Variants in KIF26B observed in about 807,000 individuals in gnomAD.
KIF26B encodes the protein kinesin-like protein KIF26B.
In KIF26B, 63 loss-of-function variants were observed where a neutral mutation model predicts 151.2. That is an observed-to-expected ratio of 0.42 (90% confidence interval 0.34 to 0.51). The LOEUF (loss-of-function observed/expected upper bound fraction) is 0.51. KIF26B is among the 20% of genes least tolerant of loss of function. The pLI, the probability that KIF26B is intolerant of heterozygous loss-of-function variation, is 0.07. For synonymous variants in KIF26B, 1,357 were observed against 1,262.1 expected (o/e 1.08, Z -1.59); for missense variants, 2,813 against 2,913.6 (o/e 0.97, Z 0.79).
chr1:245,187,010 C>G (rs1426797070), intron 2 of KIF26B, among the ~76,000 whole-genome samples: 7 of 152,044 alleles, frequency 4.6e-5, no homozygotes, highest in Non-Finnish European at 8.8e-5. Context: ...GCGCGCACCA[C>G]CACGCTCAGC....
intron 2 of KIF26B, among the ~76,000 whole-genome samples, chr1:245,160,189 C>T (rs2103516965): frequency 6.6e-6 from 1 of 152,308 alleles, no homozygotes. Flanking sequence ...TGCTTGGTGG[C>T]AGATTGTAAA....
chr1:245,164,985 C>T (rs1042913170), intron 2 of KIF26B, among the ~76,000 whole-genome samples: 2 of 151,958 alleles, frequency 1.3e-5, no homozygotes, highest in African/African-American at 4.8e-5. Flanking sequence ...GCAGGAGAAT[C>T]GCTTGAGCCC....
At chr1:245,435,908 T>C (rs974522951) in intron 4 of KIF26B, among the ~76,000 whole-genome samples, 1 of 152,170 alleles carries the variant, frequency 6.6e-6, no homozygotes, top group African/African-American at 2.4e-5. Context: ...CCGGACCCAG[T>C]GGCTCACGCC....
intron 2 of KIF26B, among the ~76,000 whole-genome samples, chr1:245,294,012 G>C (rs984101451): frequency 6.6e-6 from 1 of 152,232 alleles, no homozygotes; most frequent in Non-Finnish European, 1.5e-5. Flanking sequence ...TCCATGGGCA[G>C]AATCCGGGTG....
At chr1:245,573,678 G>A (rs1339539869) in intron 5 of KIF26B, among the ~76,000 whole-genome samples, 1 of 150,676 alleles carries the variant, frequency 6.6e-6, no homozygotes, top group Admixed American at 6.6e-5. Context: ...TTGCAAACTG[G>A]CCAAGGAAAA....
At chr1:245,250,747 T>C (rs1172316857) in intron 2 of KIF26B, among the ~76,000 whole-genome samples, 2 of 152,244 alleles carry the variant, frequency 1.3e-5, no homozygotes, top group African/African-American at 4.8e-5. Context: ...TTCATTTTCT[T>C]TGCCCGTGTT....
chr1:245,575,509 T>A (rs2043110189), intron 5 of KIF26B, among the ~76,000 whole-genome samples: 1 of 151,962 alleles, frequency 6.6e-6, no homozygotes. Flanking sequence ...AACAATCATC[T>A]ATTCATGGCT....
chr1:245,532,364 G>A (rs948297990), intron 4 of KIF26B, among the ~76,000 whole-genome samples: 1 of 150,482 alleles, frequency 6.6e-6, no homozygotes, highest in Non-Finnish European at 1.5e-5. Context: ...TCCTGCCTCA[G>A]CCTCCCGAGT....
At chr1:245,377,430 G>C (rs1046545091) in intron 3 of KIF26B, among the ~76,000 whole-genome samples, 2 of 152,116 alleles carry the variant, frequency 1.3e-5, no homozygotes, top group Non-Finnish European at 2.9e-5. Context: ...AAGGACAAAA[G>C]CCATTGGGTT....
At chr1:245,316,987 T>C (rs1671792419) in intron 2 of KIF26B, among the ~76,000 whole-genome samples, 1 of 152,166 alleles carries the variant, frequency 6.6e-6, no homozygotes. Context: ...GGAGTGCATA[T>C]TGGATCTGTT....
intron 8 of KIF26B, 141 bp from the exon 9 acceptor site, chr1:245,611,652 A>C (rs760109795): frequency 4.3e-6 from 3 of 695,200 alleles, no homozygotes; most frequent in Non-Finnish European, 7.1e-6. Flanking sequence ...CTTGTTTCAG[A>C]AGGGTTTTCA....
At chr1:245,542,598 AGT>A (rs1210314636) in intron 5 of KIF26B, among the ~76,000 whole-genome samples, 1 of 152,224 alleles carries the variant, frequency 6.6e-6, no homozygotes, top group Non-Finnish European at 1.5e-5. Context: ...GAGAGGACTC[AGT>A]GGGTGGGAGC....
rs1029717066 is a variant in KIF26B at position 245,516,796 on chromosome 1, A to G, written c.1167-23971A>G. ...ACGCTCCTTGACGGCCAAAACTGTCATTTGCACATTCTCTTCAGCTGAACA... is the reference window on the plus strand; with the variant it reads ...ACGCTCCTTGACGGCCAAAACTGTCGTTTGCACATTCTCTTCAGCTGAACA... On this transcript the variant is annotated intron_variant, in intron 4 of 14. Transcript: ENST00000407071. The surrounding 1 kb of genome is among the most constrained non-coding windows in gnomAD (Gnocchi z 4.2). Among the ~76,000 whole-genome samples, 2 of 150,448 alleles carry G rather than the reference A, an allele frequency of 1.3e-5. No individual in the cohort carries two copies. The highest frequency in any genetic ancestry group is 2.1e-4 in the South Asian group (1 of 4,698).
At chr1:245,248,727 G>A (rs1334519571) in intron 2 of KIF26B, among the ~76,000 whole-genome samples, 2 of 152,306 alleles carry the variant, frequency 1.3e-5, no homozygotes, top group African/African-American at 4.8e-5. Flanking sequence ...AACTGAACTT[G>A]ATTTGTGAGT....
intron 2 of KIF26B, among the ~76,000 whole-genome samples, chr1:245,184,772 A>G (rs1275011996): frequency 1.3e-5 from 2 of 152,218 alleles, no homozygotes; most frequent in Non-Finnish European, 2.9e-5. Context: ...CCCAAACCTT[A>G]TATCTCTGAG....
At chr1:245,177,870 A>C (rs994758990) in intron 2 of KIF26B, among the ~76,000 whole-genome samples, 10 of 152,150 alleles carry the variant, frequency 6.6e-5, no homozygotes, top group Non-Finnish European at 1.0e-4. Flanking sequence ...TTTAGCCGAG[A>C]AAATGAAAGA....
chr1:245,552,021 A>G (rs1451801053), intron 5 of KIF26B, among the ~76,000 whole-genome samples: 1 of 150,018 alleles, frequency 6.7e-6, no homozygotes, highest in Non-Finnish European at 1.5e-5. Context: ...TCCCCTTTGA[A>G]TCCAGAGCAC....
At chr1:245,537,503 A>G (rs1400552791) in intron 4 of KIF26B, among the ~76,000 whole-genome samples, 2 of 152,226 alleles carry the variant, frequency 1.3e-5, no homozygotes, top group African/African-American at 4.8e-5. Context: ...GAGCGAGTAC[A>G]GAAGATGGCA....
intron 10 of KIF26B, among the ~76,000 whole-genome samples, chr1:245,666,630 C>T (rs1327023486): frequency 6.6e-6 from 1 of 152,088 alleles, no homozygotes; most frequent in Non-Finnish European, 1.5e-5. Flanking sequence ...CAAGACCTCC[C>T]AAAGGCTAAC....
Sources: allele counts gnomAD v4.1 joint callset (sites outside exome capture counted in the v4.1 genomes callset), GRCh38; gene constraint gnomAD v4.1.1; non-coding constraint Gnocchi (gnomAD v3.1); transcripts MANE v1.5; gene names NCBI Gene and HGNC (gene_info 2026-07-23, HGNC 2026-07-21).